The following NEDD4L variants were observed in gnomAD, a reference collection of about 807,000 sequenced individuals.
NEDD4L encodes the protein NEDD4 like E3 ubiquitin protein ligase.
NEDD4L carries 54 observed loss-of-function variants against 148.9 expected under a neutral mutation model. The observed-to-expected ratio is 0.36, with a 90% CI of 0.29 to 0.45. NEDD4L has a LOEUF of 0.45. Among genes scored for constraint, NEDD4L ranks in the 20% least tolerant of loss-of-function variants. The probability of loss-of-function intolerance (pLI) is 1.00; values close to 1 mark genes in which losing one functional copy is unlikely to be tolerated. For synonymous variants in NEDD4L, 433 were observed against 440.7 expected, an observed-to-expected ratio of 0.98 and a Z score of 0.22; for missense variants, 856 against 1,233.8, an observed-to-expected ratio of 0.69 and a Z score of 4.59.
At chr18:58,316,609 C>A (rs1398529975) in intron 6 of NEDD4L, among the ~76,000 whole-genome samples, 2 of 152,256 alleles carry the variant, frequency 1.3e-5, no homozygotes, top group Non-Finnish European at 2.9e-5. Flanking sequence ...ATGTGTGGTG[C>A]TGCCATTTCT....
rs547906435 is a variant in NEDD4L, at chr18:58,196,752, G to A, written c.122+30891G>A. 5.0e-4 allele frequency among the ~76,000 whole-genome samples: 65 copies of A among 131,074 alleles called. 2 individuals are homozygous for A. The South Asian group carries it at 0.016, about 32-fold the overall frequency. The allele number at this position is 131,074 out of a possible 152,430, so 86.0% of individuals were successfully genotyped here. The stretch of plus-strand genomic sequence containing the variant: ...TTTTTTTTTTTAACATCAGCCACAG[G>A]TAATACTCTCCGGTAAACATATAAC... On this transcript the variant is annotated intron_variant, in intron 2 of 30. Coordinates refer to ENST00000400345, the MANE Select transcript of NEDD4L (RefSeq NM_001144967.3).
chr18:58,298,358 C>T (rs1387000124), intron 5 of NEDD4L, among the ~76,000 whole-genome samples: 2 of 151,998 alleles, frequency 1.3e-5, no homozygotes, highest in Admixed American at 6.6e-5. Flanking sequence ...TCCCTGGAAC[C>T]CTGGTTATCT....
At chr18:58,086,764 G>A (rs190279687) in intron 1 of NEDD4L, among the ~76,000 whole-genome samples, 1 of 152,202 alleles carries the variant, frequency 6.6e-6, no homozygotes, top group Non-Finnish European at 1.5e-5. Context: ...TTATTAATAT[G>A]ATAGTTATCT....
chr18:58,367,218 A>G (rs1443730502), intron 21 of NEDD4L: 1 of 152,426 alleles, frequency 6.6e-6, no homozygotes, highest in Non-Finnish European at 1.5e-5. Flanking sequence ...CAAATCTAAA[A>G]ATTTGCAGGT....
intron 24 of NEDD4L, among the ~76,000 whole-genome samples, chr18:58,381,945 A>C (rs1048441978): frequency 5.9e-5 from 9 of 152,178 alleles, no homozygotes; most frequent in African/African-American, 2.2e-4. Context: ...TGGCAGCTAG[A>C]AAGGGAAATG....
chr18:58,105,608 T>TG (rs11376555), intron 1 of NEDD4L, among the ~76,000 whole-genome samples: 25,872 of 152,148 alleles, frequency 0.17, 2,271 homozygotes, highest in Admixed American at 0.21. Context: ...TTGTCTGAGC[T>TG]GTGTGTTTAT....
chr18:58,298,253 AT>A (rs1219070260), intron 5 of NEDD4L, among the ~76,000 whole-genome samples: 1 of 152,112 alleles, frequency 6.6e-6, no homozygotes, highest in African/African-American at 2.4e-5. Flanking sequence ...AGAAAAAATA[AT>A]TTTTTTCTGT....
At chr18:58,213,120 T>G (rs2042769548) in intron 2 of NEDD4L, among the ~76,000 whole-genome samples, 1 of 149,456 alleles carries the variant, frequency 6.7e-6, no homozygotes, top group African/African-American at 2.5e-5. Context: ...TTATTTCTCA[T>G]AATACTGATG....
At chr18:58,071,024 T>C (rs2082846050) in intron 1 of NEDD4L, among the ~76,000 whole-genome samples, 1 of 151,984 alleles carries the variant, frequency 6.6e-6, no homozygotes, top group Non-Finnish European at 1.5e-5. Flanking sequence ...ATATGTCCCA[T>C]ATACAGGTTA....
chr18:58,387,461 T>C lies in NEDD4L; in HGVS notation c.2510T>C (p.Ile837Thr). 1.3e-6 allele frequency: 2 copies of C among 1,572,446 alleles called. No homozygotes were observed. Among genetic ancestry groups the C allele is most frequent in the East Asian group, 2.3e-5 (1 of 44,094 alleles). ...CAGGGATTCACAGAACTACTTCCTA[T>C]TGATTTGATTAAAATTTTTGATGAA... is the stretch of plus-strand genomic sequence containing the variant. ...FLEGFTELLP[I>T]DLIKIFDENE... is the part of the protein sequence containing the mutation. The change falls in exon 27 of 31, where the codon ATT becomes ACT. Residue 837 changes from isoleucine (I) to threonine (T), a missense_variant. By Grantham distance (89) the Ile-to-Thr change is moderately conservative. Transcript: ENST00000400345.
intron 18 of NEDD4L, among the ~76,000 whole-genome samples, chr18:58,351,585 T>TA (rs1204688712): frequency 6.6e-6 from 1 of 152,284 alleles, no homozygotes; most frequent in Non-Finnish European, 1.5e-5. Flanking sequence ...CTCCAGCACC[T>TA]ATGAAAAAAT....
intron 24 of NEDD4L, among the ~76,000 whole-genome samples, chr18:58,375,187 C>T (rs917936013): frequency 1.6e-4 from 24 of 152,120 alleles, no homozygotes; most frequent in Non-Finnish European, 8.8e-5. Context: ...CGTGACTCCC[C>T]GTCCTTGGCA....
chr18:58,223,841 C>A (rs1178503184), intron 2 of NEDD4L, among the ~76,000 whole-genome samples: 2 of 152,222 alleles, frequency 1.3e-5, no homozygotes, highest in Non-Finnish European at 2.9e-5. Context: ...CTGAGTCTAT[C>A]TTGACTGCGT....
intron 5 of NEDD4L, among the ~76,000 whole-genome samples, chr18:58,285,840 C>T (rs1436720372): frequency 6.6e-6 from 1 of 152,178 alleles, no homozygotes; most frequent in Non-Finnish European, 1.5e-5. Context: ...AGTTGTTTTC[C>T]TCATTCTTCA....
chr18:58,126,135 G>A (rs1386653242), intron 1 of NEDD4L, among the ~76,000 whole-genome samples: 1 of 152,226 alleles, frequency 6.6e-6, no homozygotes, highest in Non-Finnish European at 1.5e-5. Context: ...TCATTATTGA[G>A]ATCAAATTCA....
chr18:58,111,058 A>T (rs1235655095), intron 1 of NEDD4L, among the ~76,000 whole-genome samples: 2 of 152,088 alleles, frequency 1.3e-5, no homozygotes, highest in Non-Finnish European at 2.9e-5. Context: ...CATCATTATG[A>T]TGTTAATTTT....
At chr18:58,076,058 C>G (rs1285727780) in intron 1 of NEDD4L, among the ~76,000 whole-genome samples, 1 of 152,206 alleles carries the variant, frequency 6.6e-6, no homozygotes, top group Non-Finnish European at 1.5e-5. Flanking sequence ...TCTCACACCA[C>G]TTGATAAATA....
At chr18:58,082,231 C>T (rs753143700) in intron 1 of NEDD4L, among the ~76,000 whole-genome samples, 20 of 147,988 alleles carry the variant, frequency 1.4e-4, no homozygotes, top group Middle Eastern at 3.2e-3. Context: ...CCTCAGCCTC[C>T]CAAGTAGCTG....
chr18:58,065,565 T>G (rs1684087534), intron 1 of NEDD4L, among the ~76,000 whole-genome samples: 1 of 152,242 alleles, frequency 6.6e-6, no homozygotes, highest in Non-Finnish European at 1.5e-5. Context: ...CGCTGGATGG[T>G]GCCCAGGCAG....
Sources: gnomAD v4.1 joint callset for allele counts (sites outside exome capture counted in the v4.1 genomes callset) on GRCh38, gnomAD v4.1.1 for gene constraint, MANE v1.5 for transcripts, NCBI Gene and HGNC (gene_info 2026-07-23, HGNC 2026-07-21) for gene names.